The following EXPH5 variants were observed in gnomAD, a reference collection of about 807,000 sequenced individuals.
The protein encoded by EXPH5 is exophilin-5.
A neutral mutation model predicts 41.1 loss-of-function variants in EXPH5; 42 were observed. The observed-to-expected ratio is 1.02, with a 90% CI of 0.80 to 1.32. The LOEUF (loss-of-function observed/expected upper bound fraction) is 1.32. EXPH5 is among the 40% of genes most tolerant of loss of function. The pLI is 0.00. For missense variants in EXPH5, 2,298 were observed against 2,314.5 expected (o/e 0.99, Z 0.15); for synonymous variants, 798 against 833.5 (o/e 0.96, Z 0.73).
chr11:108,577,969 T>C (rs1316188582), intron 1 of EXPH5, among the ~76,000 whole-genome samples: 1 of 152,216 alleles, frequency 6.6e-6, no homozygotes, highest in Non-Finnish European at 1.5e-5. Context: ...CTTGCAAATA[T>C]TTTCTCTCAT....
At chr11:108,528,217 G>A (rs1452079262) in intron 3 of EXPH5, 33 bp from the exon 4 acceptor site, 1 of 1,536,022 alleles carries the variant, frequency 6.5e-7, no homozygotes, top group Non-Finnish European at 9.0e-7. Flanking sequence ...TTTCTTTGAA[G>A]AAGAGCCTAA....
At chr11:108,530,584 A>G (rs2093831015) in intron 3 of EXPH5, among the ~76,000 whole-genome samples, 1 of 152,200 alleles carries the variant, frequency 6.6e-6, no homozygotes, top group South Asian at 2.1e-4. Flanking sequence ...AGCCAGGACT[A>G]CATGCCAGAC....
chr11:108,601,647 G>A, the EXPH5 span, among the ~76,000 whole-genome samples: 2 of 151,922 alleles, frequency 1.3e-5, no homozygotes, highest in Non-Finnish European at 2.9e-5. Flanking sequence ...CCCCTATATT[G>A]TAAGTATTTG....
Position 108,512,070 on chromosome 11 carries a change from C to G in EXPH5, c.3437G>C (p.Gly1146Ala). Residue 1146 changes from glycine (G) to alanine (A), a missense_variant, in exon 6 of 6, where the codon GGC becomes GCC. Transcript: ENST00000265843. ...TGGTGTTAGCTCAGAAGCATCCATGCCTGAGGTCAATGGCTTTTTTCTTCC... is the reference window on the plus strand; with the variant it reads ...TGGTGTTAGCTCAGAAGCATCCATGGCTGAGGTCAATGGCTTTTTTCTTCC... ...REGRKKPLTS[G>A]MDASELTPRA... The G allele has an allele frequency of 6.2e-7, 1 of 1,611,158 alleles. No homozygotes were observed. The highest frequency in any genetic ancestry group is 8.5e-7 in the Non-Finnish European group (1 of 1,178,856).
At chr11:108,554,598 A>G (rs539668509) in intron 1 of EXPH5, among the ~76,000 whole-genome samples, 1 of 151,766 alleles carries the variant, frequency 6.6e-6, no homozygotes, top group Non-Finnish European at 1.5e-5. Flanking sequence ...ATGTATCACC[A>G]CTCCCAACAC....
At position 108,508,884 on chromosome 11, in the gene EXPH5, GCCTCCCAGGCT is replaced by G. The variant is rs1474932022; in HGVS notation, c.*642_*652del. ...ACCTCAACATGTGCTTTGACCATGT[GCCTCCCAGGCT>G]CCACTACGGATATAACAGGAAGTAC... On this transcript the variant is annotated 3_prime_UTR_variant, in exon 6 of 6. Transcript: ENST00000265843. 1 of 152,044 alleles carries G rather than the reference GCCTCCCAGGCT, an allele frequency of 6.6e-6. No homozygotes were observed. The highest frequency in any genetic ancestry group is 2.4e-5 in the African/African-American group (1 of 41,390). The allele number at this position is 152,044 out of a possible 1,614,324, so 9.4% of individuals were successfully genotyped here. A position where few individuals can be genotyped will look rare whatever the true frequency, so the allele number is the denominator to read the frequency against.
Position 108,511,005 on chromosome 11 carries a change from G to T in EXPH5, c.4502C>A (p.Ser1501Tyr). 6.2e-7 allele frequency: 1 copy of T among 1,614,202 alleles called. No homozygotes were observed. The highest frequency in any genetic ancestry group is 1.1e-5 in the South Asian group (1 of 91,084). The change falls in exon 6 of 6, where the codon TCT (serine) becomes TAT (tyrosine). Residue 1501 changes from serine to tyrosine, a missense_variant. Transcript: ENST00000265843. ...NCQKMTNKTLSHSESQVFALT... is the reference protein window; with the variant it reads ...NCQKMTNKTLYHSESQVFALT... Reference sequence around the variant, plus strand: ...GGCAAAGACTTGACTCTCTGAGTGAGAAAGTGTTTTATTAGTCATTTTTTG... The same window carrying T: ...GGCAAAGACTTGACTCTCTGAGTGATAAAGTGTTTTATTAGTCATTTTTTG...
At chr11:108,553,863 T>C (rs1454395807) in intron 1 of EXPH5, among the ~76,000 whole-genome samples, 2 of 152,214 alleles carry the variant, frequency 1.3e-5, no homozygotes, top group Non-Finnish European at 2.9e-5. Context: ...TCCATAGGAA[T>C]AATACTGGAA....
chr11:108,533,453 T>C (rs2093857226), intron 3 of EXPH5, among the ~76,000 whole-genome samples: 1 of 152,222 alleles, frequency 6.6e-6, no homozygotes, highest in African/African-American at 2.4e-5. Context: ...TCCACCTGCC[T>C]CGGCTTCCCA....
chr11:108,602,672 A>G, the EXPH5 span, among the ~76,000 whole-genome samples: 4 of 152,098 alleles, frequency 2.6e-5, no homozygotes, highest in Non-Finnish European at 4.4e-5. Flanking sequence ...TTAGTCCCCC[A>G]AGTAGCTGGG....
intron 1 of EXPH5, among the ~76,000 whole-genome samples, chr11:108,557,936 CCA>C (rs974793235): frequency 2.0e-4 from 31 of 151,866 alleles, no homozygotes; most frequent in African/African-American, 7.5e-4. Flanking sequence ...GGATGCTTTC[CCA>C]CTTTTTATTT....
chr11:108,566,338 G>A (rs1227278136), intron 1 of EXPH5, among the ~76,000 whole-genome samples: 7 of 152,140 alleles, frequency 4.6e-5, no homozygotes, highest in Admixed American at 4.6e-4. Flanking sequence ...TGGAAAGTAG[G>A]TAAGGTGTGC....
At chr11:108,590,635 T>TA (rs1253557024) in intron 1 of EXPH5, among the ~76,000 whole-genome samples, 2 of 151,952 alleles carry the variant, frequency 1.3e-5, no homozygotes, top group African/African-American at 4.8e-5. Flanking sequence ...TAGTTCTTTT[T>TA]TAAAAAAAAA....
In EXPH5 at chr11:108,511,576, A is replaced by T. The variant is rs877474; in HGVS notation, c.3931T>A (p.Cys1311Ser). ...TTGACGGACATCTTTAGATTTTCAC[A>T]TGAAGGTGTTCCTGACTGCTCTCGT... ...STREQSGTPS[C>S]ENLKMSVNSD... Residue 1311 changes from cysteine to serine, a missense_variant, in exon 6 of 6, where the codon TGT (cysteine) becomes AGT (serine). Transcript: ENST00000265843. 13 of 1,613,392 alleles carry T rather than the reference A, an allele frequency of 8.1e-6. No homozygotes were observed. In the South Asian group the frequency reaches 1.2e-4, roughly 15 times the overall value.
At chr11:108,584,120 C>T (rs928217783) in intron 1 of EXPH5, among the ~76,000 whole-genome samples, 2 of 152,114 alleles carry the variant, frequency 1.3e-5, no homozygotes, top group South Asian at 2.1e-4. Context: ...AGAATAAAAT[C>T]GGATGGCTTA....
At chr11:108,526,568 T>C (rs1203635935) in intron 4 of EXPH5, among the ~76,000 whole-genome samples, 1 of 152,250 alleles carries the variant, frequency 6.6e-6, no homozygotes, top group African/African-American at 2.4e-5. Context: ...AGCAGGGCTC[T>C]GTCCTCTCAG....
At chr11:108,589,698 C>T (rs540975423) in intron 1 of EXPH5, among the ~76,000 whole-genome samples, 2 of 152,110 alleles carry the variant, frequency 1.3e-5, no homozygotes, top group Non-Finnish European at 1.5e-5. Flanking sequence ...TTTCAGTTTT[C>T]CTTCTATAAA....
intron 3 of EXPH5, among the ~76,000 whole-genome samples, chr11:108,529,487 T>G (rs2093822655): frequency 6.6e-6 from 1 of 152,144 alleles, no homozygotes; most frequent in Non-Finnish European, 1.5e-5. Context: ...CATGAGCCAC[T>G]GCGTCTGGCA....
chr11:108,564,546 CT>C (rs2094026391), intron 1 of EXPH5, among the ~76,000 whole-genome samples: 3 of 152,136 alleles, frequency 2.0e-5, no homozygotes, highest in South Asian at 2.1e-4. Context: ...GGAGTTATTT[CT>C]AATTTTTTAG....
Sources: allele counts gnomAD v4.1 joint callset (sites outside exome capture counted in the v4.1 genomes callset), GRCh38; gene constraint gnomAD v4.1.1; transcripts MANE v1.5; gene names NCBI Gene and HGNC (gene_info 2026-07-23, HGNC 2026-07-21).